THADA: variants seen among roughly 807,000 people sequenced by gnomAD.
THADA encodes the protein THADA armadillo repeat containing, also known as tRNA (32-2'-O)-methyltransferase regulator THADA.
A neutral mutation model predicts 219.8 loss-of-function variants in THADA; 213 were observed. That is an observed-to-expected ratio of 0.97 (90% confidence interval 0.87 to 1.09). The LOEUF is 1.09. THADA is among the 50% of genes least tolerant of loss of function. The pLI is 0.00. For missense variants in THADA, 2,956 were observed against 2,311.3 expected (o/e 1.28, Z -5.72); for synonymous variants, 1,018 against 828.9 (o/e 1.23, Z -3.92).
rs374628508 is a variant in THADA at position 43,515,684 on chromosome 2, C to G, written c.3375-6904G>C. On this transcript the variant is annotated intron_variant, in intron 22 of 37. Coordinates refer to ENST00000405975, the MANE Select transcript of THADA (RefSeq NM_022065.5). Reference sequence around the variant, plus strand: ...ATACCAAACACAAGTTTCTCACTGGCAATAACAAAAGCAGTGAAGGAAAAC... The same window carrying G: ...ATACCAAACACAAGTTTCTCACTGGGAATAACAAAAGCAGTGAAGGAAAAC... 4.6e-5 allele frequency among the ~76,000 whole-genome samples: 7 copies of G among 151,790 alleles called. No homozygotes were observed. In the East Asian group the frequency reaches 1.2e-3, roughly 25 times the overall value.
Position 43,329,958 on chromosome 2 carries a change from A to G in THADA, c.4344-9418T>C, listed in dbSNP as rs527978393. ...TTTTATGTTTACACTTCCATTACTC[A>G]CTATGCCCTCCCCTGGTCTCCTCTA... On this transcript the variant is annotated intron_variant, in intron 30 of 37. Coordinates refer to ENST00000405975, the MANE Select transcript of THADA (RefSeq NM_022065.5). 2.0e-5 allele frequency among the ~76,000 whole-genome samples: 3 copies of G among 152,156 alleles called. No individual in the cohort carries two copies. The East Asian group carries it at 5.8e-4, about 29-fold the overall frequency.
In THADA at chr2:43,293,007, A is replaced by G; in HGVS notation, c.4645T>C (p.Leu1549=). Residue 1549 remains leucine, a synonymous_variant, in exon 32 of 38, where the codon TTA becomes CTA. Transcript: ENST00000405975. ...CGCACTTCAGGGAAGGCAGATTCTA[A>G]CAGCTGAGAGAAAGAGATGGGGACA... is the stretch of plus-strand genomic sequence containing the variant. The part of the protein sequence containing the change: ...TNVPISFSQL[L]ESAFPEVRSL... 6.2e-7 allele frequency: 1 copy of G among 1,613,968 alleles called. No homozygotes were observed. Among genetic ancestry groups the G allele is most frequent in the Non-Finnish European group, 8.5e-7 (1 of 1,179,876 alleles).
At chr2:43,304,061 G>C (rs924442197) in intron 31 of THADA, among the ~76,000 whole-genome samples, 4 of 152,068 alleles carry the variant, frequency 2.6e-5, no homozygotes, top group African/African-American at 4.8e-5. Flanking sequence ...AGTGTTTAAT[G>C]GTATTTGTTT....
intron 11 of THADA, among the ~76,000 whole-genome samples, chr2:43,574,119 GAAT>G (rs1405358914): frequency 6.6e-6 from 1 of 152,060 alleles, no homozygotes; most frequent in Admixed American, 6.5e-5. Flanking sequence ...ATTTTAAGTG[GAAT>G]TATTCTTTAG....
At chr2:43,394,588 T>C (rs1673799288) in intron 29 of THADA, among the ~76,000 whole-genome samples, 1 of 152,198 alleles carries the variant, frequency 6.6e-6, no homozygotes, top group Non-Finnish European at 1.5e-5. Context: ...GGCTTTTTAA[T>C]GATTTCAAAG....
rs1696468739 is a variant in THADA at position 43,549,295 on chromosome 2, G to C, written c.3021C>G (p.Ala1007=). 2 of 1,599,358 alleles carry C rather than the reference G, an allele frequency of 1.3e-6. No individual in the cohort carries two copies. The highest frequency in any genetic ancestry group is 2.7e-5 in the African/African-American group (2 of 74,758). Residue 1007 remains alanine (A), a synonymous_variant, in exon 20 of 38, where the codon GCC becomes GCG. Coordinates refer to ENST00000405975, the MANE Select transcript of THADA (RefSeq NM_022065.5). ...AGCTATCATGTTCTTTCAATATTTT[G>C]GCTTGGTTAAAATAATCATTAGTAT... is the stretch of plus-strand genomic sequence containing the variant. ...PRDTNDYFNQ[A]KILKEHDSFD...
intron 36 of THADA, among the ~76,000 whole-genome samples, chr2:43,275,636 G>A (rs1672646883): frequency 6.6e-6 from 1 of 152,154 alleles, no homozygotes; most frequent in South Asian, 2.1e-4. Context: ...CAGATAACTT[G>A]CATCAGAGTG....
chr2:43,449,125 T>A lies in THADA; in HGVS notation c.3837-18823A>T, dbSNP rs1033981963. Among the ~76,000 whole-genome samples the A allele has an allele frequency of 4.7e-4, 71 of 151,890 alleles. 1 individual carries two copies. The highest frequency in any genetic ancestry group is 2.9e-4 in the Non-Finnish European group (20 of 67,962). ...CAAAATGAAAATATTAATAAATAGA[T>A]AGAAACCTAAAAAGAAACATAAAAA... On this transcript the variant is annotated intron_variant, in intron 26 of 37. Coordinates refer to ENST00000405975, the MANE Select transcript of THADA (RefSeq NM_022065.5).
chr2:43,279,673 A>G, intron 36 of THADA, 92 bp downstream of exon 36: 6 of 1,436,246 alleles, frequency 4.2e-6, no homozygotes, highest in Non-Finnish European at 5.5e-6. Context: ...ATGACCAACA[A>G]TGCCTAAGAT....
At chr2:43,546,965 C>T (rs565050287) in intron 20 of THADA, among the ~76,000 whole-genome samples, 1 of 152,082 alleles carries the variant, frequency 6.6e-6, no homozygotes, top group Non-Finnish European at 1.5e-5. Flanking sequence ...TCTTCCTAGC[C>T]TCAATGGTCT....
intron 36 of THADA, among the ~76,000 whole-genome samples, chr2:43,238,623 G>C (rs1291985191): frequency 1.3e-5 from 2 of 152,110 alleles, no homozygotes; most frequent in Non-Finnish European, 2.9e-5. Flanking sequence ...ATCTAAGAGA[G>C]AGAAAAAAGA....
At chr2:43,556,008 A>G (rs377125256) in intron 17 of THADA, 2 of 276,522 alleles carry the variant, frequency 7.2e-6, no homozygotes, top group South Asian at 1.1e-4. Flanking sequence ...CTCCACCTAT[A>G]TAGAAACAAT....
intron 21 of THADA, 42 bp from the exon 22 acceptor site, chr2:43,528,030 C>T (rs764988996): frequency 1.5e-5 from 21 of 1,393,168 alleles, no homozygotes; most frequent in Non-Finnish European, 2.0e-5. Context: ...TTTATGTTTA[C>T]ATTCGCAAGT....
At chr2:43,545,278 G>A (rs1487493206) in intron 20 of THADA, among the ~76,000 whole-genome samples, 1 of 151,574 alleles carries the variant, frequency 6.6e-6, no homozygotes, top group East Asian at 1.9e-4. Context: ...CGGTTTGCCA[G>A]TATTTTATTG....
intron 28 of THADA, among the ~76,000 whole-genome samples, chr2:43,416,880 T>A (rs1677048972): frequency 6.6e-6 from 1 of 152,198 alleles, no homozygotes; most frequent in African/African-American, 2.4e-5. Flanking sequence ...ATATGCAATC[T>A]TAAGTAACAA....
intron 9 of THADA, among the ~76,000 whole-genome samples, chr2:43,577,929 T>A (rs969251186): frequency 2.0e-5 from 3 of 152,058 alleles, no homozygotes. Context: ...GAGATGACAC[T>A]GAACAAACAG....
intron 23 of THADA, among the ~76,000 whole-genome samples, chr2:43,507,538 T>G (rs933715829): frequency 6.6e-6 from 1 of 152,140 alleles, no homozygotes. Flanking sequence ...CCAAAATCCA[T>G]TCAGCAGAAC....
chr2:43,283,033 C>G (rs1035171567), intron 35 of THADA, among the ~76,000 whole-genome samples: 2 of 152,168 alleles, frequency 1.3e-5, no homozygotes, highest in Non-Finnish European at 2.9e-5. Context: ...AGGCAGATTT[C>G]CTCCTTGCTG....
At chr2:43,551,326 C>T (rs1164280115) in intron 19 of THADA, among the ~76,000 whole-genome samples, 1 of 152,166 alleles carries the variant, frequency 6.6e-6, no homozygotes, top group Non-Finnish European at 1.5e-5. Flanking sequence ...ATGCCTGGGA[C>T]CAAAAACGTT....
Sources: gnomAD v4.1 joint callset for allele counts (sites outside exome capture counted in the v4.1 genomes callset) on GRCh38, gnomAD v4.1.1 for gene constraint, MANE v1.5 for transcripts, NCBI Gene and HGNC (gene_info 2026-07-23, HGNC 2026-07-21) for gene names.